The following CTNNA3 variants were observed in gnomAD, a reference collection of about 807,000 sequenced individuals.
CTNNA3 encodes catenin alpha-3.
CTNNA3 carries 76 observed loss-of-function variants against 95.7 expected under a neutral mutation model. The ratio of observed to expected loss-of-function variants is 0.79; its 90% CI spans 0.66 to 0.96. CTNNA3 has a LOEUF of 0.96. Ranked by LOEUF, CTNNA3 falls within the 40% of genes least tolerant of loss-of-function variation. CTNNA3 has a pLI of 0.00. For missense variants in CTNNA3, 1,191 were observed against 1,089.8 expected (o/e 1.09, Z -1.31); for synonymous variants, 431 against 374.4 (o/e 1.15, Z -1.74).
chr10:66,175,459 A>G (rs1256604988), intron 13 of CTNNA3, among the ~76,000 whole-genome samples: 5 of 152,196 alleles, frequency 3.3e-5, no homozygotes, highest in Non-Finnish European at 5.9e-5. Context: ...CATTTAAAAG[A>G]CAGGGATATC....
chr10:67,564,065 C>T lies in CTNNA3; in HGVS notation c.293-24396G>A, dbSNP rs965169921. On this transcript the variant is annotated intron_variant, in intron 3 of 17. Transcript: ENST00000433211. The stretch of plus-strand genomic sequence containing the variant: ...TGGTGGGACTGTAAACTAGTTCAAC[C>T]ATTGTCGAAGACAGTGTGGCGATTC... 1.1e-4 allele frequency among the ~76,000 whole-genome samples: 17 copies of T among 149,300 alleles called. 1 individual carries two copies. The highest frequency in any genetic ancestry group is 2.2e-4 in the Non-Finnish European group (15 of 67,460).
chr10:67,499,311 G>C (rs1228916697), intron 5 of CTNNA3, among the ~76,000 whole-genome samples: 1 of 152,132 alleles, frequency 6.6e-6, no homozygotes, highest in African/African-American at 2.4e-5. Flanking sequence ...TAAGCTTTTT[G>C]ATGTGCTGCT....
intron 5 of CTNNA3, among the ~76,000 whole-genome samples, chr10:67,502,882 A>G (rs1363489134): frequency 6.6e-6 from 1 of 152,204 alleles, no homozygotes; most frequent in Non-Finnish European, 1.5e-5. Context: ...ATTTCAAGAC[A>G]GTGGATCTTA....
At chr10:67,053,269 C>CTAATCT (rs1398716058) in intron 7 of CTNNA3, among the ~76,000 whole-genome samples, 1 of 152,114 alleles carries the variant, frequency 6.6e-6, no homozygotes, top group African/African-American at 2.4e-5. Context: ...TCCAAATACG[C>CTAATCT]TAATCTTAGA....
intron 5 of CTNNA3, among the ~76,000 whole-genome samples, chr10:67,504,495 GA>G (rs1210916081): frequency 3.8e-4 from 42 of 110,702 alleles, no homozygotes; most frequent in African/African-American, 1.1e-3. Flanking sequence ...ATAGAAGAAA[GA>G]AAAAAAAATA....
chr10:67,013,496 A>G (rs1852466997), intron 7 of CTNNA3, among the ~76,000 whole-genome samples: 1 of 152,208 alleles, frequency 6.6e-6, no homozygotes, highest in Non-Finnish European at 1.5e-5. Flanking sequence ...AAGTCCATTC[A>G]CGTGCTGTGC....
In CTNNA3 at chr10:65,916,029, A is replaced by C. The variant is rs2077003519; in HGVS notation, c.*4301T>G. 6.6e-6 allele frequency: 1 copy of C among 152,086 alleles called. No homozygotes were observed. The highest frequency in any genetic ancestry group is 2.4e-5 in the African/African-American group (1 of 41,420). The allele number at this position is 152,086 out of a possible 1,614,324, so 9.4% of individuals were successfully genotyped here. On this transcript the variant is annotated 3_prime_UTR_variant, in exon 18 of 18. Coordinates refer to ENST00000433211, the MANE Select transcript of CTNNA3 (RefSeq NM_013266.4). The stretch of plus-strand genomic sequence containing the variant: ...AAAATGCCAAAATAAAAACTCTCAA[A>C]CTGCTATTGTTATTAGTCCTGGCTT...
chr10:66,606,933 G>A (rs1230582432), intron 10 of CTNNA3, among the ~76,000 whole-genome samples: 4 of 152,048 alleles, frequency 2.6e-5, no homozygotes, highest in Non-Finnish European at 4.4e-5. Flanking sequence ...CCAAATTAGA[G>A]CTGAATTGAA....
At chr10:67,614,548 T>A (rs538833514) in intron 2 of CTNNA3, among the ~76,000 whole-genome samples, 4 of 152,096 alleles carry the variant, frequency 2.6e-5, no homozygotes, top group Admixed American at 2.6e-4. Flanking sequence ...CACTTTCCCA[T>A]GAGAATCTAA....
chr10:66,242,685 G>A (rs911540520), intron 13 of CTNNA3, among the ~76,000 whole-genome samples: 19 of 152,126 alleles, frequency 1.2e-4, no homozygotes, highest in Non-Finnish European at 2.2e-4. Context: ...TCATGGGAGT[G>A]TAAAATCGTG....
chr10:66,097,749 T>G (rs984088726), intron 14 of CTNNA3, among the ~76,000 whole-genome samples: 1 of 152,168 alleles, frequency 6.6e-6, no homozygotes, highest in African/African-American at 2.4e-5. Flanking sequence ...AACGTTCAGC[T>G]GCCACCCTGC....
intron 7 of CTNNA3, among the ~76,000 whole-genome samples, chr10:66,943,754 G>C (rs777427695): frequency 6.6e-6 from 1 of 152,092 alleles, no homozygotes; most frequent in Non-Finnish European, 1.5e-5. Flanking sequence ...CCACCATAAA[G>C]TGCATATCGC....
At chr10:66,561,682 G>A (rs964586348) in intron 10 of CTNNA3, among the ~76,000 whole-genome samples, 1 of 152,068 alleles carries the variant, frequency 6.6e-6, no homozygotes, top group Non-Finnish European at 1.5e-5. Flanking sequence ...CAAGGAGATT[G>A]TGGACCTGGA....
At chr10:66,483,309 T>C (rs117594924) in intron 11 of CTNNA3, among the ~76,000 whole-genome samples, 3 of 152,266 alleles carry the variant, frequency 2.0e-5, no homozygotes, top group Non-Finnish European at 4.4e-5. Flanking sequence ...ATATCCTGAT[T>C]TTGATAAAGT....
At chr10:67,170,036 T>G (rs1266304056) in intron 7 of CTNNA3, among the ~76,000 whole-genome samples, 1 of 152,094 alleles carries the variant, frequency 6.6e-6, no homozygotes, top group African/African-American at 2.4e-5. Context: ...ATAACACTGA[T>G]CATTAGAGAA....
At chr10:66,055,258 AAT>A (rs746370217) in intron 15 of CTNNA3, among the ~76,000 whole-genome samples, 5 of 152,154 alleles carry the variant, frequency 3.3e-5, no homozygotes, top group Non-Finnish European at 7.4e-5. Context: ...TTCTGTGAAG[AAT>A]GTCATTGGTA....
chr10:67,165,096 T>C (rs1861705433), intron 7 of CTNNA3, among the ~76,000 whole-genome samples: 1 of 152,106 alleles, frequency 6.6e-6, no homozygotes, highest in Non-Finnish European at 1.5e-5. Context: ...AGCCCCAAAC[T>C]GGAAAAAACA....
chr10:65,921,778 T>C (rs2077090508), intron 17 of CTNNA3, among the ~76,000 whole-genome samples: 2 of 152,172 alleles, frequency 1.3e-5, no homozygotes, highest in Non-Finnish European at 2.9e-5. Flanking sequence ...TTTTGGTAAA[T>C]TGGTACCAAA....
chr10:67,511,442 A>G (rs1006651316), intron 5 of CTNNA3, among the ~76,000 whole-genome samples: 3 of 152,234 alleles, frequency 2.0e-5, no homozygotes, highest in Non-Finnish European at 4.4e-5. Context: ...TTCTGCATCT[A>G]TTGAGATAAT....
Sources: gnomAD v4.1 joint callset for allele counts (sites outside exome capture counted in the v4.1 genomes callset) on GRCh38, gnomAD v4.1.1 for gene constraint, MANE v1.5 for transcripts, NCBI Gene and HGNC (gene_info 2026-07-23, HGNC 2026-07-21) for gene names.